CLIC5: variants seen among roughly 807,000 people sequenced by gnomAD.
CLIC5 encodes chloride intracellular channel protein 5.
In CLIC5, 20 loss-of-function variants were observed where a neutral mutation model predicts 24.7. The ratio of observed to expected loss-of-function variants is 0.81; its 90% CI spans 0.57 to 1.18. The LOEUF (loss-of-function observed/expected upper bound fraction) is 1.18. CLIC5 is among the 50% of genes most tolerant of loss of function. The pLI is 0.00. For synonymous variants in CLIC5, 159 were observed against 135.6 expected (o/e 1.17, Z -1.20); for missense variants, 341 against 326.1 (o/e 1.05, Z -0.35).
intron 4 of CLIC5, among the ~76,000 whole-genome samples, chr6:45,924,977 T>C (rs1763422513): frequency 6.6e-6 from 1 of 152,136 alleles, no homozygotes; most frequent in Non-Finnish European, 1.5e-5. Context: ...GGAGCAACCA[T>C]CCTGTGAAAC....
chr6:46,012,521 T>C (rs1184774535), intron 1 of CLIC5, among the ~76,000 whole-genome samples: 2 of 152,240 alleles, frequency 1.3e-5, no homozygotes, highest in Non-Finnish European at 2.9e-5. Flanking sequence ...AAGCATTCTA[T>C]GAACACATTA....
intron 4 of CLIC5, among the ~76,000 whole-genome samples, chr6:45,915,496 T>G (rs1461016183): frequency 1.3e-5 from 2 of 152,062 alleles, no homozygotes; most frequent in Non-Finnish European, 2.9e-5. Flanking sequence ...AGAGAAGTGA[T>G]GGGTACCAGG....
At chr6:46,044,043 A>G (rs1767888494) in intron 1 of CLIC5, among the ~76,000 whole-genome samples, 1 of 152,140 alleles carries the variant, frequency 6.6e-6, no homozygotes, top group Non-Finnish European at 1.5e-5. Flanking sequence ...AACAACTACA[A>G]TGCTGGGAGC....
chr6:45,979,951 CTTTTTTTTT>C (rs3997321), intron 1 of CLIC5, among the ~76,000 whole-genome samples: 2 of 95,060 alleles, frequency 2.1e-5, no homozygotes, highest in Non-Finnish European at 4.0e-5. Flanking sequence ...GACTTAGTCA[CTTTTTTTTT>C]TTTTTTTTTT....
chr6:46,047,906 G>A (rs535032696), intron 1 of CLIC5, among the ~76,000 whole-genome samples: 2 of 151,916 alleles, frequency 1.3e-5, no homozygotes, highest in Non-Finnish European at 2.9e-5. Context: ...TACCTTTTGG[G>A]ATTTTTTGAT....
intron 1 of CLIC5, among the ~76,000 whole-genome samples, chr6:46,037,075 A>C (rs988149498): frequency 4.6e-5 from 7 of 152,262 alleles, no homozygotes; most frequent in African/African-American, 1.7e-4. Context: ...TTTTTCATAC[A>C]GATGCCATGT....
chr6:46,116,061 T>C, the CLIC5 span, among the ~76,000 whole-genome samples: 3 of 152,332 alleles, frequency 2.0e-5, no homozygotes, highest in African/African-American at 7.2e-5. Flanking sequence ...CCTGACCCCA[T>C]TGGTATAGCC....
chr6:45,910,008 T>C (rs2127301321), intron 5 of CLIC5, among the ~76,000 whole-genome samples: 1 of 152,338 alleles, frequency 6.6e-6, no homozygotes, highest in South Asian at 2.1e-4. Flanking sequence ...AAAAACTCAC[T>C]GTTGCAGACA....
intron 5 of CLIC5, chr6:45,912,024 T>C (rs1268372110): frequency 9.1e-6 from 9 of 985,698 alleles, no homozygotes; most frequent in Middle Eastern, 5.2e-4. Context: ...AGAGTGAGCA[T>C]GAAAGCAGCA....
chr6:45,964,316 C>T (rs977946532), intron 1 of CLIC5, among the ~76,000 whole-genome samples: 1 of 152,200 alleles, frequency 6.6e-6, no homozygotes, highest in South Asian at 2.1e-4. Flanking sequence ...GAAAAAATGT[C>T]TGCAGCACTA....
At chr6:46,005,055 A>C (rs1766501046) in intron 1 of CLIC5, among the ~76,000 whole-genome samples, 1 of 152,234 alleles carries the variant, frequency 6.6e-6, no homozygotes, top group African/African-American at 2.4e-5. Flanking sequence ...AGCATTAGGA[A>C]GCAGACGTGG....
chr6:45,935,401 A>C (rs947211763), intron 4 of CLIC5, among the ~76,000 whole-genome samples: 1 of 152,186 alleles, frequency 6.6e-6, no homozygotes, highest in Non-Finnish European at 1.5e-5. Context: ...CAGGCTGGGT[A>C]GAGAGCATGA....
At chr6:45,882,904 T>C (rs909346072) in intron 6 of CLIC5, among the ~76,000 whole-genome samples, 2 of 152,308 alleles carry the variant, frequency 1.3e-5, no homozygotes, top group South Asian at 4.1e-4. Context: ...AGAAGAGTAT[T>C]GAAAAGACCC....
chr6:46,102,268 T>G, the CLIC5 span, among the ~76,000 whole-genome samples: 1 of 152,182 alleles, frequency 6.6e-6, no homozygotes, highest in Non-Finnish European at 1.5e-5. Flanking sequence ...AATAAGGGTA[T>G]GATCTAATGC....
chr6:46,099,182 T>G, the CLIC5 span, among the ~76,000 whole-genome samples: 6 of 152,160 alleles, frequency 3.9e-5, no homozygotes, highest in Admixed American at 3.3e-4. Context: ...GAATCCTAAG[T>G]GTACAGGCAC....
intron 1 of CLIC5, among the ~76,000 whole-genome samples, chr6:45,988,927 G>C (rs1026089808): frequency 1.3e-4 from 20 of 152,148 alleles, no homozygotes; most frequent in African/African-American, 4.3e-4. Context: ...GAAAGCTAAA[G>C]GCCAGTCTCA....
chr6:46,066,208 G>A (rs1311819252), intron 1 of CLIC5, among the ~76,000 whole-genome samples: 2 of 152,102 alleles, frequency 1.3e-5, no homozygotes, highest in African/African-American at 4.8e-5. Context: ...CAAAGCGGGG[G>A]CAGGGGGCAA....
At chr6:45,971,147 A>G (rs1334610513) in intron 1 of CLIC5, among the ~76,000 whole-genome samples, 1 of 152,202 alleles carries the variant, frequency 6.6e-6, no homozygotes, top group Non-Finnish European at 1.5e-5. Flanking sequence ...CACAAAAAGA[A>G]CTACATTTTG....
intron 1 of CLIC5, among the ~76,000 whole-genome samples, chr6:46,006,115 CAT>C (rs1468633494): frequency 4.9e-5 from 1 of 20,332 alleles, no homozygotes; most frequent in Non-Finnish European, 7.8e-5. Flanking sequence ...TATATATACA[CAT>C]GTATAAATAC....
Sources: gnomAD v4.1 joint callset for allele counts (sites outside exome capture counted in the v4.1 genomes callset) on GRCh38, gnomAD v4.1.1 for gene constraint, MANE v1.5 for transcripts, NCBI Gene and HGNC (gene_info 2026-07-23, HGNC 2026-07-21) for gene names.